The following ABCG2 variants were observed in gnomAD, a reference collection of about 807,000 sequenced individuals.
ABCG2 encodes ATP binding cassette subfamily G member 2 (JR blood group), also known as broad substrate specificity ATP-binding cassette transporter ABCG2.
A neutral mutation model predicts 73.5 loss-of-function variants in ABCG2; 80 were observed. The ratio of observed to expected loss-of-function variants is 1.09; its 90% CI spans 0.91 to 1.31. ABCG2 has a LOEUF of 1.31. ABCG2 is among the 50% of genes most tolerant of loss of function. ABCG2 has a pLI of 0.00. For synonymous variants in ABCG2, 269 were observed against 282.4 expected (o/e 0.95, Z 0.48); for missense variants, 796 against 786.2 (o/e 1.01, Z -0.15).
chr4:88,221,605 G>A (rs150747301), intron 1 of ABCG2, among the ~76,000 whole-genome samples: 1 of 152,146 alleles, frequency 6.6e-6, no homozygotes, highest in African/African-American at 2.4e-5. Flanking sequence ...GGACAATAAA[G>A]TGCAGGCTGA....
At chr4:88,110,650 C>A (rs1043502854) in intron 9 of ABCG2, among the ~76,000 whole-genome samples, 1 of 152,178 alleles carries the variant, frequency 6.6e-6, no homozygotes, top group Non-Finnish European at 1.5e-5. Flanking sequence ...TAGGCAGGAA[C>A]CACTGCATCT....
At chr4:88,230,620 C>CA (rs1730428716) in intron 1 of ABCG2, among the ~76,000 whole-genome samples, 1 of 152,098 alleles carries the variant, frequency 6.6e-6, no homozygotes, top group South Asian at 2.1e-4. Flanking sequence ...AAAGTAGGTA[C>CA]AGCCAGGAAA....
intron 1 of ABCG2, among the ~76,000 whole-genome samples, chr4:88,186,706 T>A (rs1266530521): frequency 6.7e-6 from 1 of 149,676 alleles, no homozygotes; most frequent in Non-Finnish European, 1.5e-5. Flanking sequence ...GATCACGAGG[T>A]CAGGAGATCG....
At chr4:88,177,251 G>A (rs1449802260) in intron 1 of ABCG2, among the ~76,000 whole-genome samples, 1 of 152,006 alleles carries the variant, frequency 6.6e-6, no homozygotes, top group African/African-American at 2.4e-5. Context: ...GCAGGCGCCT[G>A]TGGTCCCAGC....
chr4:88,137,942 C>T (rs993151568), intron 2 of ABCG2, among the ~76,000 whole-genome samples: 12 of 152,036 alleles, frequency 7.9e-5, no homozygotes, highest in Non-Finnish European at 1.8e-4. Flanking sequence ...ATCACTTAAG[C>T]CCAGGAGTTC....
At chr4:88,222,439 G>C (rs928915232) in intron 1 of ABCG2, among the ~76,000 whole-genome samples, 1 of 152,138 alleles carries the variant, frequency 6.6e-6, no homozygotes, top group African/African-American at 2.4e-5. Context: ...TCTCGTGATA[G>C]TGAATGAGTC....
chr4:88,135,067 T>C (rs559543196), intron 2 of ABCG2, among the ~76,000 whole-genome samples: 1 of 152,320 alleles, frequency 6.6e-6, no homozygotes, highest in East Asian at 1.9e-4. Context: ...GCTGAGTAGC[T>C]GCAACACAGA....
At chr4:88,163,108 T>G (rs1222113216), upstream of ABCG2, among the ~76,000 whole-genome samples, 1 of 152,206 alleles carries the variant, frequency 6.6e-6, no homozygotes, top group Non-Finnish European at 1.5e-5. Context: ...ACAGATGTAT[T>G]CAGTCCGAGT....
At chr4:88,155,420 G>A (rs1726871550) in intron 1 of ABCG2, among the ~76,000 whole-genome samples, 2 of 152,186 alleles carry the variant, frequency 1.3e-5, no homozygotes, top group Non-Finnish European at 2.9e-5. Context: ...GCAGTACAGA[G>A]CCAGGATGAG....
intron 1 of ABCG2, among the ~76,000 whole-genome samples, chr4:88,157,101 C>CA (rs1219242866): frequency 1.3e-5 from 2 of 151,614 alleles, no homozygotes; most frequent in East Asian, 3.9e-4. Flanking sequence ...GACTCAGTCT[C>CA]AAAAAAAAGT....
chr4:88,221,731 C>A (rs1274993371), intron 1 of ABCG2, among the ~76,000 whole-genome samples: 2 of 152,050 alleles, frequency 1.3e-5, no homozygotes, highest in Non-Finnish European at 2.9e-5. Flanking sequence ...GAACTTTGAA[C>A]TTGAGAGGGA....
chr4:88,113,403 T>C lies in ABCG2; in HGVS notation c.1094A>G (p.Lys365Arg), dbSNP rs1252135835. The change falls in exon 9 of 16, where the codon AAG becomes AGG. Residue 365 changes from lysine (K) to arginine (R), a missense_variant. Coordinates refer to ENST00000237612, the MANE Select transcript of ABCG2 (RefSeq NM_004827.3). Reference protein sequence around the residue: ...GEKKKKITVFKEISYTTSFCH... With the variant: ...GEKKKKITVFREISYTTSFCH... ...GAAGGAGGTGGTGTAGCTGATCTCC[T>C]TGAAGACTGTGATCTTCTTCTTCTT... 1 of 1,614,192 alleles carries C rather than the reference T, an allele frequency of 6.2e-7. No homozygotes were observed. The highest frequency in any genetic ancestry group is 1.7e-5 in the Admixed American group (1 of 60,020).
chr4:88,097,702 G>GA, intron 12 of ABCG2, 95 bp from the exon 13 acceptor site: 1 of 1,319,954 alleles, frequency 7.6e-7, no homozygotes, highest in Non-Finnish European at 1.0e-6. Context: ...AATATTTTGA[G>GA]AAACTAATAT....
In ABCG2 at chr4:88,093,503, CAAA is replaced by C. The variant is rs10533191; in HGVS notation, c.1820+1071_1820+1073del. The stretch of plus-strand genomic sequence containing the variant: ...TCGGTGACAGAGCGAGACTCCATTT[CAAA>C]AAAAAAAAAAAAAAAAAAGGAATAT... On this transcript the variant is annotated intron_variant, in intron 15 of 15. Transcript: ENST00000237612. 2.5e-3 allele frequency among the ~76,000 whole-genome samples: 261 copies of C among 104,954 alleles called. 1 individual carries two copies. The highest frequency in any genetic ancestry group is 5.1e-3 in the East Asian group (19 of 3,704). 68.9% of individuals were successfully genotyped at this position (104,954 alleles called of 152,430 possible).
intron 1 of ABCG2, among the ~76,000 whole-genome samples, chr4:88,166,916 C>T (rs1727545029): frequency 6.6e-6 from 1 of 152,092 alleles, no homozygotes; most frequent in Non-Finnish European, 1.5e-5. Flanking sequence ...TTAATATTCA[C>T]ATTCCAGGTT....
chr4:88,125,243 G>C (rs75467974), intron 5 of ABCG2, among the ~76,000 whole-genome samples: 19,110 of 151,298 alleles, frequency 0.13, 1,460 homozygotes, highest in Middle Eastern at 0.24. Flanking sequence ...AGTGAGCCAA[G>C]ATCGCGCCAC....
At chr4:88,210,777 CTTGCT>C (rs562209428) in intron 1 of ABCG2, among the ~76,000 whole-genome samples, 117 of 152,044 alleles carry the variant, frequency 7.7e-4, no homozygotes, top group Non-Finnish European at 1.2e-3. Flanking sequence ...TAGAGACAGT[CTTGCT>C]TTGTTGCCCA....
chr4:88,219,621 A>G (rs966532965), intron 1 of ABCG2, among the ~76,000 whole-genome samples: 13 of 110,998 alleles, frequency 1.2e-4, no homozygotes, highest in East Asian at 5.9e-4. Flanking sequence ...TTGCTCTGTC[A>G]CCCAGGCTGG....
Position 88,115,026 on chromosome 4 carries a change from C to G in ABCG2, c.874G>C (p.Asp292His). 1 of 1,613,174 alleles carries G rather than the reference C, an allele frequency of 6.2e-7. No individual in the cohort carries two copies. The highest frequency in any genetic ancestry group is 2.2e-5 in the East Asian group (1 of 44,778). The change falls in exon 8 of 16, where the codon GAC (aspartate) becomes CAC (histidine). Residue 292 changes from aspartate (D) to histidine (H), a missense_variant. Physicochemically the swap from Asp to His is moderately conservative, Grantham distance 81. Transcript: ENST00000237612. ...CCATTAATGATGTCCAAGAAGAAGT[C>G]TGCAGGGTTATTATAGGCCTCACAG... ...YHCEAYNNPADFFLDIINGDS... is the reference protein window; with the variant it reads ...YHCEAYNNPAHFFLDIINGDS...
Sources: allele counts gnomAD v4.1 joint callset (sites outside exome capture counted in the v4.1 genomes callset), GRCh38; gene constraint gnomAD v4.1.1; transcripts MANE v1.5; gene names NCBI Gene and HGNC (gene_info 2026-07-23, HGNC 2026-07-21).